BCORL1: variants seen among roughly 807,000 people sequenced by gnomAD.
BCORL1 encodes the protein BCL-6 corepressor-like protein 1.
In BCORL1, 7 loss-of-function variants were observed where a neutral mutation model predicts 87.6. The observed-to-expected ratio is 0.08, with a 90% confidence interval of 0.05 to 0.15. The LOEUF is 0.15. Among genes scored for constraint, BCORL1 ranks in the 10% least tolerant of loss-of-function variants. The probability of loss-of-function intolerance (pLI) is 1.00; values close to 1 mark genes in which losing one functional copy is unlikely to be tolerated. For missense variants in BCORL1, 1,215 were observed against 1,499.7 expected, an observed-to-expected ratio of 0.81 and a Z score of 3.13; for synonymous variants, 591 against 634.4, an observed-to-expected ratio of 0.93 and a Z score of 1.03.
chrX:130,041,654 T>C (rs1931323896), intron 11 of BCORL1, among the ~76,000 whole-genome samples: 1 of 110,714 alleles, frequency 9.0e-6, no homozygotes, highest in African/African-American at 3.3e-5. Flanking sequence ...TTAGGCGGAG[T>C]CTTGCTCTGT....
chrX:130,044,078 G>A (rs1425506217), intron 11 of BCORL1, among the ~76,000 whole-genome samples: 1 of 105,635 alleles, frequency 9.5e-6, no homozygotes, highest in African/African-American at 3.5e-5. Flanking sequence ...GACATTTGTT[G>A]TATTTTTAGT....
At chrX:130,048,137 G>A (rs1385333940) in intron 11 of BCORL1, among the ~76,000 whole-genome samples, 3 of 112,164 alleles carry the variant, frequency 2.7e-5, no homozygotes, top group African/African-American at 6.5e-5. Flanking sequence ...GGGGAAACCC[G>A]CCATCACCTG....
chrX:130,022,838 T>G, intron 5 of BCORL1, 59 bp from the exon 6 acceptor site: 6 of 1,052,895 alleles, frequency 5.7e-6, no homozygotes, highest in Non-Finnish European at 8.0e-6. Flanking sequence ...GGCTTTCTGG[T>G]CTTTAAGCTT....
At position 130,015,395 on chromosome X, in the gene BCORL1, C is replaced by T; in HGVS notation, c.2623C>T (p.Leu875Phe). 8.2e-7 allele frequency: 1 copy of T among 1,212,333 alleles called. No homozygotes were observed. Among genetic ancestry groups the T allele is most frequent in the Non-Finnish European group, 1.1e-6 (1 of 895,669 alleles). The change falls in exon 4 of 14, where the codon CTC (leucine) becomes TTC (phenylalanine). Residue 875 changes from leucine to phenylalanine, a missense_variant. Physicochemically the swap from Leu to Phe is conservative, Grantham distance 22 (BLOSUM62 0). Transcript: ENST00000540052. ...VVSEFSGVPS[L>F]SSSEAVHGLP... Reference sequence around the variant, plus strand: ...TTCGGAGTTTTCTGGTGTGCCATCTCTCAGCTCCAGCGAAGCCGTGCACGG... The same window carrying T: ...TTCGGAGTTTTCTGGTGTGCCATCTTTCAGCTCCAGCGAAGCCGTGCACGG...
At position 130,015,040 on chromosome X, in the gene BCORL1, A is replaced by T; in HGVS notation, c.2268A>T (p.Gln756His). 1 of 1,211,860 alleles carries T rather than the reference A, an allele frequency of 8.3e-7. No homozygotes were observed. The highest frequency in any genetic ancestry group is 1.1e-6 in the Non-Finnish European group (1 of 895,522). The part of the protein sequence containing the change: ...PKQEPISIID[Q>H]GEPKGTGATC... Reference sequence around the variant, plus strand: ...AGGAGCCCATCTCCATCATTGATCAAGGAGAGCCTAAGGGCACTGGTGCCA... The same window carrying T: ...AGGAGCCCATCTCCATCATTGATCATGGAGAGCCTAAGGGCACTGGTGCCA... The change falls in exon 4 of 14, where the codon CAA becomes CAT. Residue 756 changes from glutamine to histidine, a missense_variant. Gln to His is a conservative substitution (Grantham distance 24). Around this residue, in one of 5 missense-constraint regions of BCORL1, gnomAD observed 861 missense variants for 1,010.0 expected, o/e 0.85. Coordinates refer to ENST00000540052, the MANE Select transcript of BCORL1 (RefSeq NM_001379451.1).
intron 2 of BCORL1, among the ~76,000 whole-genome samples, chrX:130,011,440 T>G (rs772971269): frequency 9.0e-6 from 1 of 111,087 alleles, no homozygotes; most frequent in Non-Finnish European, 1.9e-5. Context: ...AGTTTTACCA[T>G]GATGGCCAGG....
In BCORL1 at chrX:130,025,333, G is replaced by A; in HGVS notation, c.4032G>A (p.Glu1344=). 8.6e-7 allele frequency: 1 copy of A among 1,165,955 alleles called. No homozygotes were observed. The highest frequency in any genetic ancestry group is 3.0e-5 in the East Asian group (1 of 33,308). ...AGAGCCGAAAATATCAGACTGGGGA[G>A]TACCTGACAGAGCAAGAAGACGAGC... The part of the protein sequence containing the change: ...RQKSRKYQTG[E]YLTEQEDEQR... Residue 1344 remains glutamate, a synonymous_variant, in exon 7 of 14, where the codon GAG becomes GAA. Coordinates refer to ENST00000540052, the MANE Select transcript of BCORL1 (RefSeq NM_001379451.1).
chrX:130,026,431 G>T (rs1930250761), intron 7 of BCORL1, among the ~76,000 whole-genome samples: 1 of 112,646 alleles, frequency 8.9e-6, no homozygotes, highest in Admixed American at 9.4e-5. Context: ...TCAACTATGT[G>T]ACAGAGTGGG....
chrX:130,013,263 C>G lies in BCORL1; in HGVS notation c.491C>G (p.Ser164Cys), dbSNP rs779677586. The G allele has an allele frequency of 2.5e-6, 3 of 1,212,042 alleles. No homozygotes were observed. In the Admixed American group the frequency reaches 6.5e-5, roughly 26 times the overall value. Residue 164 changes from serine to cysteine, a missense_variant, in exon 4 of 14, where the codon TCT (serine) becomes TGT (cysteine). Around this residue, in one of 5 missense-constraint regions of BCORL1, gnomAD observed 861 missense variants for 1,010.0 expected, o/e 0.85. Coordinates refer to ENST00000540052, the MANE Select transcript of BCORL1 (RefSeq NM_001379451.1). ...CCCGCCGGAGTAAAGGCTTTGGACT[C>G]TCGGCAAGGTGTTGGAGAGAAGAAT... ...CSPAGVKALDSRQGVGEKNTF... is the reference protein window; with the variant it reads ...CSPAGVKALDCRQGVGEKNTF...
rs1245529637 is a variant in BCORL1 at position 130,012,671 on chromosome X, A to G, written c.177+3A>G. 8.3e-7 allele frequency: 1 copy of G among 1,203,888 alleles called. No homozygotes were observed. Among genetic ancestry groups the G allele is most frequent in the African/African-American group, 1.7e-5 (1 of 57,180 alleles). On this transcript the variant is annotated splice_donor_region_variant and intron_variant, in intron 3 of 13. Coordinates refer to ENST00000540052, the MANE Select transcript of BCORL1 (RefSeq NM_001379451.1). The stretch of plus-strand genomic sequence containing the variant: ...GTGTCAGCAGCAGTTTTTCCAAGGT[A>G]AGAGGCTTTATGGAGCCACGTGCTG...
chrX:130,036,734 G>C (rs1217718875), intron 9 of BCORL1, among the ~76,000 whole-genome samples: 3 of 112,588 alleles, frequency 2.7e-5, no homozygotes, highest in Non-Finnish European at 5.6e-5. Context: ...GTCTGGGGCT[G>C]GCTTGCCAAG....
At chrX:129,996,620 T>C (rs1019346180) in intron 1 of BCORL1, among the ~76,000 whole-genome samples, 2 of 111,181 alleles carry the variant, frequency 1.8e-5, no homozygotes, top group Admixed American at 1.9e-4. Context: ...TCATTTTCTT[T>C]TATTTATTTA....
At position 130,056,261 on chromosome X, in the gene BCORL1, C is replaced by A; in HGVS notation, c.*125C>A. ...ATAATACGGACCAACAAGAAGCCGC[C>A]TTATCAATGCCAGCATTAGCGACTG... On this transcript the variant is annotated 3_prime_UTR_variant, in exon 14 of 14. Transcript: ENST00000540052. 7 of 729,627 alleles carry A rather than the reference C, an allele frequency of 9.6e-6. No homozygotes were observed. Among genetic ancestry groups the A allele is most frequent in the Non-Finnish European group, 1.3e-5 (7 of 519,536 alleles). 60.1% of individuals were successfully genotyped at this position (729,627 alleles called of 1,213,427 possible). A position where few individuals can be genotyped will look rare whatever the true frequency, so the allele number is the denominator to read the frequency against.
intron 1 of BCORL1, among the ~76,000 whole-genome samples, chrX:129,996,673 C>T (rs193187730): frequency 3.6e-5 from 4 of 111,724 alleles, no homozygotes; most frequent in East Asian, 5.6e-4. Flanking sequence ...GGCTAGAGTA[C>T]GGTGGCGTGA....
intron 1 of BCORL1, among the ~76,000 whole-genome samples, chrX:129,986,379 A>C (rs1259072515): frequency 9.0e-6 from 1 of 111,704 alleles, no homozygotes; most frequent in Non-Finnish European, 1.9e-5. Flanking sequence ...TGCACCAAAA[A>C]CACTCATGTG....
At chrX:129,980,574 G>A (rs1246208810), upstream of BCORL1, among the ~76,000 whole-genome samples, 1 of 112,359 alleles carries the variant, frequency 8.9e-6, no homozygotes, top group Non-Finnish European at 1.9e-5. Context: ...ACCTGGACCC[G>A]GACCCGGACC....
At chrX:130,002,151 G>T (rs961675682) in intron 1 of BCORL1, among the ~76,000 whole-genome samples, 7 of 109,854 alleles carry the variant, frequency 6.4e-5, no homozygotes, top group Non-Finnish European at 1.3e-4. Context: ...TAGGAAACAC[G>T]CTGCTTACTG....
chrX:130,045,773 A>G (rs901882383), intron 11 of BCORL1, among the ~76,000 whole-genome samples: 1 of 109,487 alleles, frequency 9.1e-6, no homozygotes, highest in Non-Finnish European at 1.9e-5. Context: ...ACACATTACC[A>G]CACCAAAATA....
At chrX:130,053,277 T>C (rs770419195) in intron 13 of BCORL1, among the ~76,000 whole-genome samples, 17 of 110,691 alleles carry the variant, frequency 1.5e-4, no homozygotes, top group Non-Finnish European at 2.8e-4. Context: ...ACAGTTTCTT[T>C]GCATCCCCTG....
Sources: gnomAD v4.1 joint callset for allele counts (sites outside exome capture counted in the v4.1 genomes callset) on GRCh38, gnomAD v4.1.1 for gene constraint, gnomAD v4.1.1 regional missense constraint, MANE v1.5 for transcripts, NCBI Gene and HGNC (gene_info 2026-07-23, HGNC 2026-07-21) for gene names.